Variants in DRC8 observed in about 807,000 individuals in gnomAD.
The protein encoded by DRC8 is dynein regulatory complex protein 8.
chr1:245,106,309 T>C, the DRC8 span, among the ~76,000 whole-genome samples: 2 of 152,186 alleles, frequency 1.3e-5, no homozygotes, highest in African/African-American at 4.8e-5. Context: ...GTGTTTGGAC[T>C]TGATTTAATG....
the DRC8 span, among the ~76,000 whole-genome samples, chr1:245,094,804 G>A: frequency 1.3e-5 from 2 of 152,154 alleles, no homozygotes; most frequent in Non-Finnish European, 2.9e-5. Flanking sequence ...GAAAATGCCA[G>A]TAAACAAAAA....
the DRC8 span, chr1:244,969,768 G>A: frequency 1.2e-5 from 3 of 256,674 alleles, no homozygotes; most frequent in African/African-American, 4.5e-5. Flanking sequence ...GTTGTCATAG[G>A]CTGTGCTGTC....
chr1:245,056,560 A>G, the DRC8 span, among the ~76,000 whole-genome samples: 1 of 152,246 alleles, frequency 6.6e-6, no homozygotes, highest in Non-Finnish European at 1.5e-5. Flanking sequence ...AGCCCTGTCC[A>G]GAAGGAGTTT....
the DRC8 span, among the ~76,000 whole-genome samples, chr1:244,981,680 C>T: frequency 2.6e-5 from 4 of 152,110 alleles, no homozygotes; most frequent in South Asian, 2.1e-4. Context: ...GTGGAGGCTG[C>T]GTGTGGACTG....
chr1:245,076,940 T>C, the DRC8 span, among the ~76,000 whole-genome samples: 13 of 152,134 alleles, frequency 8.5e-5, no homozygotes, highest in Admixed American at 2.0e-4. Context: ...TTGGCCAGGA[T>C]GGTCTCGATC....
the DRC8 span, among the ~76,000 whole-genome samples, chr1:245,059,878 C>T: frequency 3.3e-5 from 5 of 152,048 alleles, no homozygotes; most frequent in South Asian, 1.0e-3. Flanking sequence ...TTACATTGAC[C>T]AGAGAGTCTA....
chr1:245,010,001 C>G, the DRC8 span, among the ~76,000 whole-genome samples: 1 of 152,114 alleles, frequency 6.6e-6, no homozygotes, highest in Non-Finnish European at 1.5e-5. Context: ...GCCGGGACTA[C>G]AGGCGTGCGC....
At chr1:245,100,801 A>G in the DRC8 span, among the ~76,000 whole-genome samples, 1 of 107,344 alleles carries the variant, frequency 9.3e-6, no homozygotes, top group South Asian at 3.4e-4. Context: ...AATAATAATA[A>G]TAATAATAAT....
chr1:245,107,282 A>G, the DRC8 span: 1 of 150,614 alleles, frequency 6.6e-6, no homozygotes, highest in African/African-American at 2.4e-5. Context: ...CTCTGCACCC[A>G]GAAAGCGGAA....
the DRC8 span, among the ~76,000 whole-genome samples, chr1:245,106,848 T>A: frequency 6.6e-6 from 1 of 152,320 alleles, no homozygotes; most frequent in African/African-American, 2.4e-5. Flanking sequence ...GAGACCAGCC[T>A]GGCTGGCCAA....
the DRC8 span, chr1:245,121,792 C>T: frequency 1.4e-5 from 5 of 370,180 alleles, no homozygotes; most frequent in African/African-American, 2.2e-5. Context: ...CCGTCTGGCT[C>T]CTCTACTGAA....
the DRC8 span, among the ~76,000 whole-genome samples, chr1:244,987,938 C>T: frequency 6.6e-6 from 1 of 152,022 alleles, no homozygotes; most frequent in African/African-American, 2.4e-5. Context: ...TCTCTTATAT[C>T]CTTAGGTGAT....
chr1:245,015,965 CTTTTT>C, the DRC8 span, among the ~76,000 whole-genome samples: 3 of 57,188 alleles, frequency 5.2e-5, no homozygotes, highest in African/African-American at 6.6e-5. Context: ...GCCTACAGGG[CTTTTT>C]TTTTTTTTTT....
chr1:244,993,077 C>G, the DRC8 span, among the ~76,000 whole-genome samples: 1 of 152,184 alleles, frequency 6.6e-6, no homozygotes, highest in Non-Finnish European at 1.5e-5. Context: ...GTGAGTCATT[C>G]AAGAGACAGA....
chr1:245,080,325 G>A, the DRC8 span, among the ~76,000 whole-genome samples: 5 of 152,122 alleles, frequency 3.3e-5, no homozygotes, highest in African/African-American at 1.2e-4. Flanking sequence ...TCGAACCCAC[G>A]GGCAGGGATC....
the DRC8 span, chr1:245,122,207 C>T: frequency 6.5e-5 from 14 of 215,518 alleles, 1 homozygote; most frequent in African/African-American, 2.1e-4. Flanking sequence ...CCGGCTGCTT[C>T]CTTAACTCTT....
the DRC8 span, among the ~76,000 whole-genome samples, chr1:244,996,606 T>G: frequency 6.6e-6 from 1 of 152,216 alleles, no homozygotes; most frequent in African/African-American, 2.4e-5. Context: ...AGAAAGGAAC[T>G]GCTACCCCCA....
At chr1:245,045,641 G>A in the DRC8 span, among the ~76,000 whole-genome samples, 1 of 152,206 alleles carries the variant, frequency 6.6e-6, no homozygotes, top group African/African-American at 2.4e-5. Context: ...AAGTTACAAA[G>A]GTCACACCCC....
the DRC8 span, among the ~76,000 whole-genome samples, chr1:245,049,540 T>C: frequency 1.3e-5 from 2 of 152,144 alleles, no homozygotes; most frequent in Non-Finnish European, 2.9e-5. The surrounding 1 kb of genome is among the most constrained non-coding windows in gnomAD (Gnocchi z 4.5). Flanking sequence ...TCATGACATG[T>C]ATGTATGCCC....
Sources: gnomAD v4.1 joint callset for allele counts (sites outside exome capture counted in the v4.1 genomes callset) on GRCh38, gnomAD v4.1.1 for gene constraint, Gnocchi (gnomAD v3.1) non-coding constraint, MANE v1.5 for transcripts, NCBI Gene and HGNC (gene_info 2026-07-23, HGNC 2026-07-21) for gene names.